Variants in RARB observed in about 807,000 individuals in gnomAD.
RARB encodes HBV-activated protein.
Under a neutral mutation model 51.9 loss-of-function variants are expected in RARB, and 17 were observed. The ratio of observed to expected loss-of-function variants is 0.33; its 90% confidence interval spans 0.22 to 0.49. The LOEUF (loss-of-function observed/expected upper bound fraction) is 0.49, where lower values mean the gene tolerates loss of function less well. Ranked by LOEUF, RARB falls within the 20% of genes least tolerant of loss-of-function variation. The pLI is 0.99. For missense variants in RARB, 369 were observed against 550.8 expected (o/e 0.67, Z 3.30); for synonymous variants, 215 against 195.4 (o/e 1.10, Z -0.84).
At chr3:25,121,210 G>A (rs577706189) in intron 3 of RARB, among the ~76,000 whole-genome samples, 1 of 152,170 alleles carries the variant, frequency 6.6e-6, no homozygotes, top group East Asian at 1.9e-4. Flanking sequence ...TTCCCCAGGT[G>A]GAAAAGGGAG....
chr3:24,965,875 T>A (rs1171580925), intron 2 of RARB, among the ~76,000 whole-genome samples: 9 of 152,124 alleles, frequency 5.9e-5, no homozygotes. Context: ...TGGTAAGGAA[T>A]AAGGGATAAT....
intron 2 of RARB, among the ~76,000 whole-genome samples, chr3:24,886,775 A>G (rs1388079812): frequency 6.6e-6 from 1 of 152,148 alleles, no homozygotes; most frequent in African/African-American, 2.4e-5. Flanking sequence ...ACTTGATCCT[A>G]CATAGAAAAG....
chr3:25,533,185 T>A (rs1699000273), intron 3 of RARB, among the ~76,000 whole-genome samples: 1 of 152,240 alleles, frequency 6.6e-6, no homozygotes. Flanking sequence ...TATGCAGTTT[T>A]ATGGGAAGGG....
At chr3:25,352,848 A>T (rs1705617297) in intron 5 of RARB, among the ~76,000 whole-genome samples, 1 of 152,188 alleles carries the variant, frequency 6.6e-6, no homozygotes, top group African/African-American at 2.4e-5. Context: ...AGCTGAAAAG[A>T]CTTGAATTCC....
chr3:24,941,839 G>A (rs143281358), intron 2 of RARB, among the ~76,000 whole-genome samples: 1 of 152,276 alleles, frequency 6.6e-6, no homozygotes, highest in African/African-American at 2.4e-5. Context: ...ATAGGAAGTA[G>A]CTTGCCCAAT....
chr3:24,937,293 A>G (rs992200683), intron 2 of RARB, among the ~76,000 whole-genome samples: 5 of 152,162 alleles, frequency 3.3e-5, no homozygotes, highest in African/African-American at 1.2e-4. Flanking sequence ...AATGTATGTT[A>G]GAGAATTCGC....
intron 3 of RARB, among the ~76,000 whole-genome samples, chr3:25,529,050 G>C (rs1195163574): frequency 6.6e-6 from 1 of 151,912 alleles, no homozygotes; most frequent in African/African-American, 2.4e-5. Flanking sequence ...TTTTGAGCAG[G>C]AGAGAGCTCA....
chr3:25,228,914 G>T (rs1382957507), intron 5 of RARB, among the ~76,000 whole-genome samples: 2 of 152,070 alleles, frequency 1.3e-5, no homozygotes, highest in Non-Finnish European at 2.9e-5. Context: ...GTTGCAATTT[G>T]TTTCTCTTTT....
chr3:25,594,179 TG>T (rs1298128828), intron 6 of RARB, among the ~76,000 whole-genome samples: 2 of 152,140 alleles, frequency 1.3e-5, no homozygotes, highest in East Asian at 3.9e-4. Flanking sequence ...TAAAAAGTAA[TG>T]GTTTTAATTA....
intron 5 of RARB, among the ~76,000 whole-genome samples, chr3:25,583,342 C>T (rs887001080): frequency 2.0e-5 from 3 of 152,132 alleles, no homozygotes; most frequent in African/African-American, 4.8e-5. Context: ...AGTAACCAGG[C>T]GGATGGACAG....
At chr3:25,548,312 CTGAT>C (rs762638794) in intron 3 of RARB, among the ~76,000 whole-genome samples, 12 of 152,088 alleles carry the variant, frequency 7.9e-5, no homozygotes, top group Non-Finnish European at 1.5e-4. Flanking sequence ...AATGGATACC[CTGAT>C]TGATTATCAG....
At chr3:25,504,717 G>T (rs1483565034) in intron 3 of RARB, among the ~76,000 whole-genome samples, 2 of 150,780 alleles carry the variant, frequency 1.3e-5, no homozygotes, top group East Asian at 3.9e-4. Flanking sequence ...AATCATTATA[G>T]TAATAGCTAA....
intron 2 of RARB, among the ~76,000 whole-genome samples, chr3:25,466,599 C>T (rs1451053736): frequency 6.6e-6 from 1 of 152,210 alleles, no homozygotes; most frequent in African/African-American, 2.4e-5. Context: ...TTCTGCAGTT[C>T]TCCATTCTTT....
intron 2 of RARB, among the ~76,000 whole-genome samples, chr3:24,976,579 T>C (rs1475005090): frequency 6.6e-6 from 1 of 152,238 alleles, no homozygotes; most frequent in Non-Finnish European, 1.5e-5. Flanking sequence ...TTTTGAGAAG[T>C]GTCTGTTCAT....
intron 2 of RARB, among the ~76,000 whole-genome samples, chr3:24,914,153 A>G (rs1695059056): frequency 6.6e-6 from 1 of 152,168 alleles, no homozygotes; most frequent in Non-Finnish European, 1.5e-5. Flanking sequence ...CACCTTCTAT[A>G]TGCTCCAACA....
chr3:24,985,671 C>T (rs1252521923), intron 2 of RARB, among the ~76,000 whole-genome samples: 12 of 152,152 alleles, frequency 7.9e-5, no homozygotes, highest in Admixed American at 2.0e-4. Flanking sequence ...AAAAAACAAA[C>T]GTGGGTCTTT....
At chr3:25,122,047 G>C (rs1034604417) in intron 3 of RARB, among the ~76,000 whole-genome samples, 8 of 152,124 alleles carry the variant, frequency 5.3e-5, no homozygotes, top group African/African-American at 1.9e-4. Flanking sequence ...CAAAAGTTGA[G>C]TCAATGTATC....
intron 3 of RARB, among the ~76,000 whole-genome samples, chr3:25,096,830 G>C (rs1332565507): frequency 6.6e-6 from 1 of 152,104 alleles, no homozygotes; most frequent in African/African-American, 2.4e-5. Context: ...CAAAGGAATA[G>C]GTGCCACAAT....
chr3:24,940,196 C>A (rs1173134480), intron 2 of RARB, among the ~76,000 whole-genome samples: 1 of 152,150 alleles, frequency 6.6e-6, no homozygotes, highest in South Asian at 2.1e-4. Context: ...TGTGGCACAT[C>A]GTTTCATCTT....
Sources: gnomAD v4.1 joint callset for allele counts (sites outside exome capture counted in the v4.1 genomes callset) on GRCh38, gnomAD v4.1.1 for gene constraint, MANE v1.5 for transcripts, NCBI Gene and HGNC (gene_info 2026-07-23, HGNC 2026-07-21) for gene names.